Variants in ZNF486 observed in about 807,000 individuals in gnomAD.
The protein encoded by ZNF486 is zinc finger protein 486, also known as KRAB box only protein 2.
In ZNF486, 12 loss-of-function variants were observed where a neutral mutation model predicts 12.8. The ratio of observed to expected loss-of-function variants is 0.94; its 90% CI spans 0.60 to 1.52. The LOEUF (loss-of-function observed/expected upper bound fraction) is 1.52. Ranked by LOEUF, ZNF486 falls within the 40% of genes most tolerant of loss-of-function variation. The probability of loss-of-function intolerance (pLI) is 0.00; values close to 1 mark genes in which losing one functional copy is unlikely to be tolerated. For synonymous variants in ZNF486, 231 were observed against 184.9 expected (o/e 1.25, Z -2.02); for missense variants, 738 against 545.0 (o/e 1.35, Z -3.53).
intron 1 of ZNF486, among the ~76,000 whole-genome samples, chr19:20,172,298 T>C (rs2089656794): frequency 7.0e-6 from 1 of 143,738 alleles, no homozygotes; most frequent in South Asian, 2.2e-4. Context: ...CCACTGCACC[T>C]AGCTTTTGCC....
intron 1 of ZNF486, among the ~76,000 whole-genome samples, chr19:20,183,581 T>A (rs961817680): frequency 7.9e-5 from 12 of 152,224 alleles, no homozygotes; most frequent in Non-Finnish European, 4.4e-5. Flanking sequence ...TGTTCTTCTG[T>A]GTGAATTAGG....
intron 1 of ZNF486, among the ~76,000 whole-genome samples, chr19:20,182,674 C>T (rs1280535765): frequency 6.6e-6 from 1 of 152,086 alleles, no homozygotes; most frequent in Non-Finnish European, 1.5e-5. Context: ...CACCTGAGGA[C>T]AGGAAATGAG....
Position 20,168,143 on chromosome 19 carries a change from T to C in ZNF486, c.30+783T>C, listed in dbSNP as rs112131910. On this transcript the variant is annotated intron_variant, in intron 1 of 3. Transcript: ENST00000335117. ...TTGAGAGACCTAGGCGGGAGGATCT[T>C]GTGGTCAGGAGTTCTAGACCATCCT... is the stretch of plus-strand genomic sequence containing the variant. Among the ~76,000 whole-genome samples the C allele has an allele frequency of 1.9e-3, 284 of 145,748 alleles. 1 individual carries two copies. The highest frequency in any genetic ancestry group is 0.012 in the Middle Eastern group (3 of 248).
At chr19:20,192,180 AT>A (rs1320592919) in intron 3 of ZNF486, among the ~76,000 whole-genome samples, 146 of 152,070 alleles carry the variant, frequency 9.6e-4, no homozygotes, top group Admixed American at 3.9e-3. Flanking sequence ...TGATATACAC[AT>A]TTTTTTCCTT....
At position 20,198,126 on chromosome 19, in the gene ZNF486, A is replaced by ATTC. The variant is rs1555718421; in HGVS notation, c.*26_*27insCTT. 1 of 1,514,454 alleles carries ATTC rather than the reference A, an allele frequency of 6.6e-7. No individual in the cohort carries two copies. The highest frequency in any genetic ancestry group is 8.8e-7 in the Non-Finnish European group (1 of 1,131,698). 93.8% of individuals were successfully genotyped at this position (1,514,454 alleles called of 1,614,324 possible). A position where few individuals can be genotyped will look rare whatever the true frequency, so the allele number is the denominator to read the frequency against. Reference sequence around the variant, plus strand: ...GACAAAGGATTATTTTATTATTATTATTTTTTTGAGAGGTAATTCTGCTGT... The same window carrying ATTC: ...GACAAAGGATTATTTTATTATTATTATTCTTTTTTTGAGAGGTAATTCTGCTGT... On this transcript the variant is annotated 3_prime_UTR_variant, in exon 4 of 4. Transcript: ENST00000335117.
At chr19:20,170,412 CA>C (rs2089636642) in intron 1 of ZNF486, among the ~76,000 whole-genome samples, 1 of 151,692 alleles carries the variant, frequency 6.6e-6, no homozygotes, top group Non-Finnish European at 1.5e-5. Flanking sequence ...ACTAAAAATA[CA>C]AAAATTAGCC....
chr19:20,200,075 CAAAA>C lies in ZNF486; in HGVS notation c.*1980_*1983del, dbSNP rs201183491. On this transcript the variant is annotated 3_prime_UTR_variant, in exon 4 of 4. Transcript: ENST00000335117. Reference sequence around the variant, plus strand: ...TGGGCAACAGAGCAAGACTCCATCTCAAAAAAAAAAGTGTATTTGTTTCCTTAAA... The same window carrying C: ...TGGGCAACAGAGCAAGACTCCATCTCAAAAAAGTGTATTTGTTTCCTTAAA... 1.4e-5 allele frequency: 2 copies of C among 144,012 alleles called. No individual in the cohort carries two copies. Among genetic ancestry groups the C allele is most frequent in the African/African-American group, 2.6e-5 (1 of 39,158 alleles). 8.9% of individuals were successfully genotyped at this position (144,012 alleles called of 1,614,324 possible).
intron 3 of ZNF486, among the ~76,000 whole-genome samples, chr19:20,189,951 C>G (rs1387566018): frequency 1.3e-5 from 2 of 151,792 alleles, no homozygotes; most frequent in Non-Finnish European, 2.9e-5. Flanking sequence ...TTCTTTATGT[C>G]TAAGTATTTT....
intron 2 of ZNF486, among the ~76,000 whole-genome samples, chr19:20,185,646 G>A (rs2089834539): frequency 6.6e-6 from 1 of 151,766 alleles, no homozygotes; most frequent in Admixed American, 6.6e-5. Context: ...CTGACCTTGT[G>A]ATCCACCCAT....
chr19:20,178,723 CTA>C (rs1491263620), intron 1 of ZNF486, among the ~76,000 whole-genome samples: 1 of 152,192 alleles, frequency 6.6e-6, no homozygotes, highest in African/African-American at 2.4e-5. Flanking sequence ...AATTGTGTCT[CTA>C]TTTGTTATCT....
In ZNF486 at chr19:20,197,745, G is replaced by C; in HGVS notation, c.1035G>C (p.Thr345=). Residue 345 remains threonine, a synonymous_variant, in exon 4 of 4, where the codon ACG becomes ACC. Coordinates refer to ENST00000335117, the MANE Select transcript of ZNF486 (RefSeq NM_052852.4). Reference sequence around the variant, plus strand: ...TTAGTAAACATGAGAAGATTCATACGGGAGAGAAACCCTACAAATGTGAAG... The same window carrying C: ...TTAGTAAACATGAGAAGATTCATACCGGAGAGAAACCCTACAAATGTGAAG... ...SILSKHEKIH[T]GEKPYKCEEC... 6.2e-7 allele frequency: 1 copy of C among 1,601,440 alleles called. No individual in the cohort carries two copies. The highest frequency in any genetic ancestry group is 8.5e-7 in the Non-Finnish European group (1 of 1,175,410).
At chr19:20,194,037 G>T (rs565786028) in intron 3 of ZNF486, among the ~76,000 whole-genome samples, 1 of 151,652 alleles carries the variant, frequency 6.6e-6, no homozygotes, top group African/African-American at 2.4e-5. Context: ...TTTTTATGTT[G>T]TATATTTATT....
At position 20,178,175 on chromosome 19, in the gene ZNF486, G is replaced by A. The variant is rs148726582; in HGVS notation, c.31-6181G>A. Among the ~76,000 whole-genome samples, 1,292 of 152,032 alleles carry A rather than the reference G, an allele frequency of 8.5e-3. 47 individuals are homozygous for A. The highest frequency in any genetic ancestry group is 0.055 in the Admixed American group (840 of 15,248). ...ACTCTTGACCTCAGGTGATCCACCC[G>A]CCTAGGCCTCCCAAAGTCCTGGGAT... On this transcript the variant is annotated intron_variant, in intron 1 of 3. Transcript: ENST00000335117.
chr19:20,173,783 GAT>G (rs1378176304), intron 1 of ZNF486, among the ~76,000 whole-genome samples: 1 of 151,686 alleles, frequency 6.6e-6, no homozygotes. Context: ...AGTGAGCTGA[GAT>G]AGTGCCACTG....
In ZNF486 at chr19:20,197,664, A is replaced by C; in HGVS notation, c.954A>C (p.Gly318=). ...TLSSHKKIHT[G]EKPYTCDKCG... The stretch of plus-strand genomic sequence containing the variant: ...CTTCACATAAGAAAATTCATACTGG[A>C]GAGAAACCGTACACGTGTGATAAAT... The change falls in exon 4 of 4, where the codon GGA becomes GGC. Residue 318 remains glycine (G), a synonymous_variant. Transcript: ENST00000335117. 6.2e-7 allele frequency: 1 copy of C among 1,613,816 alleles called. No homozygotes were observed. The highest frequency in any genetic ancestry group is 8.5e-7 in the Non-Finnish European group (1 of 1,179,804).
rs1224034409 is a variant in ZNF486 at position 20,195,819 on chromosome 19, G to C, written c.254-1145G>C. On this transcript the variant is annotated intron_variant, in intron 3 of 3. Coordinates refer to ENST00000335117, the MANE Select transcript of ZNF486 (RefSeq NM_052852.4). ...CTGCTACACCCATTCCCTGTTTGCA[G>C]TTTCTCTGCTTCTCTATAATTTACC... Among the ~76,000 whole-genome samples, 5 of 151,136 alleles carry C rather than the reference G, an allele frequency of 3.3e-5. No homozygotes were observed. The East Asian group carries it at 7.7e-4, about 23-fold the overall frequency.
intron 1 of ZNF486, among the ~76,000 whole-genome samples, chr19:20,169,983 C>T (rs1044173998): frequency 2.6e-4 from 39 of 150,798 alleles, no homozygotes; most frequent in African/African-American, 9.0e-4. Flanking sequence ...CTCCGCCTCC[C>T]GGGTTCACGC....
chr19:20,183,075 C>T (rs1367273569), intron 1 of ZNF486, among the ~76,000 whole-genome samples: 3 of 152,162 alleles, frequency 2.0e-5, no homozygotes, highest in Non-Finnish European at 4.4e-5. Context: ...AGTCAAGGGT[C>T]TCTGAAAAAT....
chr19:20,191,737 T>G lies in ZNF486; in HGVS notation c.254-5227T>G, dbSNP rs571605401. Among the ~76,000 whole-genome samples, 318 of 152,142 alleles carry G rather than the reference T, an allele frequency of 2.1e-3. 1 individual carries two copies. The highest frequency in any genetic ancestry group is 3.4e-3 in the Non-Finnish European group (231 of 67,976). Reference sequence around the variant, plus strand: ...GTGAGCTGAGATTGCGCCACTGTACTCCAGCCTGGGCAAAAGAGCAGGACT... The same window carrying G: ...GTGAGCTGAGATTGCGCCACTGTACGCCAGCCTGGGCAAAAGAGCAGGACT... On this transcript the variant is annotated intron_variant, in intron 3 of 3. Coordinates refer to ENST00000335117, the MANE Select transcript of ZNF486 (RefSeq NM_052852.4).
Sources: gnomAD v4.1 joint callset for allele counts (sites outside exome capture counted in the v4.1 genomes callset) on GRCh38, gnomAD v4.1.1 for gene constraint, MANE v1.5 for transcripts, NCBI Gene and HGNC (gene_info 2026-07-23, HGNC 2026-07-21) for gene names.